Variants in PPP1R9A observed in about 807,000 individuals in gnomAD.
PPP1R9A encodes protein phosphatase 1 regulatory subunit 9A.
A neutral mutation model predicts 141.9 loss-of-function variants in PPP1R9A; 59 were observed. That is an observed-to-expected ratio of 0.42 (90% CI 0.34 to 0.52). The LOEUF is 0.52. Among genes scored for constraint, PPP1R9A ranks in the 20% least tolerant of loss-of-function variants. The probability of loss-of-function intolerance (pLI) is 0.10; values close to 1 mark genes in which losing one functional copy is unlikely to be tolerated. For synonymous variants in PPP1R9A, 500 were observed against 569.7 expected (o/e 0.88, Z 1.74); for missense variants, 1,444 against 1,611.9 (o/e 0.90, Z 1.78).
intron 16 of PPP1R9A, among the ~76,000 whole-genome samples, chr7:95,282,160 ATC>A (rs1236044118): frequency 8.3e-6 from 1 of 120,134 alleles, no homozygotes; most frequent in Admixed American, 8.7e-5. Flanking sequence ...ATAAACCCCT[ATC>A]TCTACAAAAA....
chr7:94,996,021 C>T (rs1264161487), intron 2 of PPP1R9A, among the ~76,000 whole-genome samples: 1 of 152,074 alleles, frequency 6.6e-6, no homozygotes, highest in Non-Finnish European at 1.5e-5. Context: ...GTCCATGGCT[C>T]ATAATTATTT....
At chr7:95,209,428 G>A (rs1452800889) in intron 7 of PPP1R9A, among the ~76,000 whole-genome samples, 1 of 152,124 alleles carries the variant, frequency 6.6e-6, no homozygotes, top group Admixed American at 6.5e-5. Context: ...GGTGTTTGTG[G>A]GAAGCGGTTA....
At position 94,910,550 on chromosome 7, in the gene PPP1R9A, T is replaced by G. The variant is rs1422229677; in HGVS notation, c.437T>G (p.Phe146Cys). The change falls in exon 2 of 20, where the codon TTT becomes TGT. Residue 146 changes from phenylalanine (F) to cysteine (C), a missense_variant. Phe to Cys is a radical substitution (Grantham distance 205, BLOSUM62 -2). This residue lies in a region of PPP1R9A where 490 missense variants were observed against 521.1 expected (regional missense o/e 0.94). Transcript: ENST00000433360. This position sits in a 1 kb window ranked among gnomAD's most constrained non-coding sequence, Gnocchi z 4.5. ...AAGTTCACTGAGACTCGAAAGATGT[T>G]TGAGAGAAGTGTGCATGAATCAGGA... ...YSKFTETRKMFERSVHESGQN... is the reference protein window; with the variant it reads ...YSKFTETRKMCERSVHESGQN... The G allele has an allele frequency of 1.9e-6, 3 of 1,614,162 alleles. No homozygotes were observed. The highest frequency in any genetic ancestry group is 2.5e-6 in the Non-Finnish European group (3 of 1,180,044).
intron 2 of PPP1R9A, among the ~76,000 whole-genome samples, chr7:95,048,167 C>T (rs963208615): frequency 1.3e-5 from 2 of 152,106 alleles, no homozygotes; most frequent in Non-Finnish European, 2.9e-5. Flanking sequence ...ATATTTATTT[C>T]TTGTTCACTA....
intron 2 of PPP1R9A, among the ~76,000 whole-genome samples, chr7:95,089,721 GT>G (rs368117090): frequency 0.017 from 2,453 of 147,336 alleles, 87 homozygotes; most frequent in African/African-American, 0.055. Context: ...TTAGAAGCTC[GT>G]TTTTTTTTTT....
intron 9 of PPP1R9A, among the ~76,000 whole-genome samples, chr7:95,248,033 A>G (rs895190521): frequency 5.3e-5 from 8 of 151,404 alleles, no homozygotes; most frequent in Admixed American, 2.0e-4. Flanking sequence ...TGTTTGGTTC[A>G]CATAATTTAA....
intron 2 of PPP1R9A, among the ~76,000 whole-genome samples, chr7:95,055,926 T>G (rs558964078): frequency 2.0e-5 from 3 of 152,176 alleles, no homozygotes; most frequent in Non-Finnish European, 4.4e-5. Flanking sequence ...AATAACATAC[T>G]AATAAGCATT....
intron 2 of PPP1R9A, chr7:95,036,330 AG>A (rs2151859233): frequency 6.6e-6 from 1 of 152,348 alleles, no homozygotes; most frequent in African/African-American, 2.4e-5. Flanking sequence ...GATTTAGTCC[AG>A]GAAACAAAAA....
intron 5 of PPP1R9A, 111 bp from the exon 6 acceptor site, chr7:95,198,238 T>G (rs1410282098): frequency 1.4e-5 from 14 of 1,000,254 alleles, no homozygotes; most frequent in African/African-American, 1.7e-5. Context: ...GTAGGTGATA[T>G]TACTTTCTTG....
chr7:94,974,127 A>T (rs2151258089), intron 2 of PPP1R9A, among the ~76,000 whole-genome samples: 1 of 152,286 alleles, frequency 6.6e-6, no homozygotes, highest in Admixed American at 6.5e-5. Flanking sequence ...AGGATGTGAT[A>T]TTGGATGAAC....
At chr7:95,246,264 G>C (rs1798108175) in intron 8 of PPP1R9A, among the ~76,000 whole-genome samples, 6 of 152,150 alleles carry the variant, frequency 3.9e-5, no homozygotes, top group Admixed American at 3.9e-4. Flanking sequence ...GTCTCCACAG[G>C]TTCACATTGC....
chr7:95,012,901 T>C lies in PPP1R9A; in HGVS notation c.1396-98358T>C, dbSNP rs1184077778. Reference sequence around the variant, plus strand: ...CTTTCCCTGTCAAGCTAAATGGCAATTTGTCTAGATTATTATTGTAAAGAG... The same window carrying C: ...CTTTCCCTGTCAAGCTAAATGGCAACTTGTCTAGATTATTATTGTAAAGAG... On this transcript the variant is annotated intron_variant, in intron 2 of 19. Coordinates refer to ENST00000433360, the MANE Select transcript of PPP1R9A (RefSeq NM_001166160.2). Among the ~76,000 whole-genome samples the C allele has an allele frequency of 2.0e-5, 3 of 152,292 alleles. No homozygotes were observed. In the East Asian group the frequency reaches 5.8e-4, roughly 29 times the overall value.
In PPP1R9A at chr7:95,269,250, T is replaced by G. The variant is rs746197033; in HGVS notation, c.2867T>G (p.Leu956Arg). 1.3e-6 allele frequency: 2 copies of G among 1,565,398 alleles called. No homozygotes were observed. The highest frequency in any genetic ancestry group is 4.5e-5 in the East Asian group (2 of 44,688). ...FYNHMHITKL[L>R]PPKGLRTSSP... is the part of the protein sequence containing the mutation. ...AACCACATGCATATTACCAAATTAC[T>G]TCCACCTAAGGGTTTGAGAACGTCT... The change falls in exon 14 of 20, where the codon CTT (leucine) becomes CGT (arginine). Residue 956 changes from leucine to arginine, a missense_variant. Leu to Arg is a moderately radical substitution (Grantham distance 102). Transcript: ENST00000433360.
At chr7:95,165,921 G>A (rs1831171194) in intron 5 of PPP1R9A, among the ~76,000 whole-genome samples, 1 of 152,186 alleles carries the variant, frequency 6.6e-6, no homozygotes, top group South Asian at 2.1e-4. Flanking sequence ...GCTGAGGCAG[G>A]TGGATCATCT....
At chr7:95,088,067 G>C (rs1816869946) in intron 2 of PPP1R9A, among the ~76,000 whole-genome samples, 1 of 151,976 alleles carries the variant, frequency 6.6e-6, no homozygotes, top group African/African-American at 2.4e-5. Context: ...TATATTGTTT[G>C]AGCTTTATTC....
chr7:94,924,719 G>A (rs909261807), intron 2 of PPP1R9A, among the ~76,000 whole-genome samples: 3 of 151,918 alleles, frequency 2.0e-5, no homozygotes, highest in South Asian at 4.2e-4. Context: ...TCGTAGAGAC[G>A]GGGTTTCACC....
At chr7:95,265,399 T>C (rs1801136028) in intron 12 of PPP1R9A, among the ~76,000 whole-genome samples, 1 of 152,184 alleles carries the variant, frequency 6.6e-6, no homozygotes, top group Non-Finnish European at 1.5e-5. Flanking sequence ...AGTTTTCTTA[T>C]ATGAGAAATA....
chr7:94,974,388 T>G (rs1799201550), intron 2 of PPP1R9A, among the ~76,000 whole-genome samples: 1 of 152,190 alleles, frequency 6.6e-6, no homozygotes, highest in Admixed American at 6.5e-5. Flanking sequence ...GTAAGTTTAG[T>G]TTTGGATAAG....
chr7:95,239,673 T>C (rs886766041), intron 8 of PPP1R9A, among the ~76,000 whole-genome samples: 1 of 152,116 alleles, frequency 6.6e-6, no homozygotes, highest in African/African-American at 2.4e-5. Context: ...TCCCACCTTA[T>C]TTTATGCTAT....
Sources: allele counts gnomAD v4.1 joint callset (sites outside exome capture counted in the v4.1 genomes callset), GRCh38; gene constraint gnomAD v4.1.1; regional missense constraint gnomAD v4.1.1; non-coding constraint Gnocchi (gnomAD v3.1); transcripts MANE v1.5; gene names NCBI Gene and HGNC (gene_info 2026-07-23, HGNC 2026-07-21).